The following SLC2A13 variants were observed in gnomAD, a reference collection of about 807,000 sequenced individuals.
SLC2A13 encodes the protein solute carrier family 2 member 13, also known as proton myo-inositol cotransporter.
SLC2A13 carries 32 observed loss-of-function variants against 64.4 expected under a neutral mutation model. The observed-to-expected ratio is 0.50, with a 90% CI of 0.37 to 0.67. The LOEUF is 0.67. SLC2A13 is among the 30% of genes least tolerant of loss of function. The pLI, the probability that SLC2A13 is intolerant of heterozygous loss-of-function variation, is 0.00. For synonymous variants in SLC2A13, 338 were observed against 327.1 expected (o/e 1.03, Z -0.36); for missense variants, 743 against 829.2 (o/e 0.90, Z 1.28).
chr12:40,068,117 C>T (rs546860789), intron 1 of SLC2A13: 9 of 194,610 alleles, frequency 4.6e-5, no homozygotes, highest in East Asian at 1.8e-4. Context: ...ACTATGTTGC[C>T]CAGGGTGGTC....
At chr12:39,832,091 G>A (rs1942867427) in intron 6 of SLC2A13, among the ~76,000 whole-genome samples, 1 of 152,078 alleles carries the variant, frequency 6.6e-6, no homozygotes, top group African/African-American at 2.4e-5. Context: ...AAAAGCAAAA[G>A]AGAGGCCATT....
intron 1 of SLC2A13, among the ~76,000 whole-genome samples, chr12:40,050,787 G>A (rs904709462): frequency 5.9e-5 from 9 of 152,124 alleles, no homozygotes; most frequent in African/African-American, 1.9e-4. Flanking sequence ...TGGAACCAGT[G>A]GGTTTCAATT....
chr12:40,007,119 T>G (rs190940310), intron 3 of SLC2A13, among the ~76,000 whole-genome samples: 54 of 152,324 alleles, frequency 3.5e-4, no homozygotes, highest in African/African-American at 1.1e-3. Context: ...TTGAAACTAA[T>G]GAGCCCCTCC....
rs111296586 is a variant in SLC2A13 at position 39,864,885 on chromosome 12, T to TA, written c.1199-4dup. 64,648 of 1,103,876 alleles carry TA rather than the reference T, an allele frequency of 0.059. 426 individuals are homozygous for TA. Among genetic ancestry groups the TA allele is most frequent in the African/African-American group, 0.14 (8,721 of 63,128 alleles). 68.4% of individuals were successfully genotyped at this position (1,103,876 alleles called of 1,614,324 possible). On this transcript the variant is annotated splice_polypyrimidine_tract_variant and splice_region_variant and intron_variant, in intron 5 of 9. Coordinates refer to ENST00000280871, the MANE Select transcript of SLC2A13 (RefSeq NM_052885.4). ...AATAATGAGTGCTACGGTGGTACCT[T>TA]AAAAAAAAAAAGTTTTATATTAGAG...
rs10506142 is a variant in SLC2A13, at chr12:39,986,987, G to A, written c.926-35622C>T. The stretch of plus-strand genomic sequence containing the variant: ...TGAGGGCAAGATTTAAATACCTAGA[G>A]ATAATAAAAATCTTAAGCTTTGATC... On this transcript the variant is annotated intron_variant, in intron 3 of 9. Coordinates refer to ENST00000280871, the MANE Select transcript of SLC2A13 (RefSeq NM_052885.4). Among the ~76,000 whole-genome samples, 5,727 of 152,208 alleles carry A rather than the reference G, an allele frequency of 0.038. 446 individuals carry two copies. In the East Asian group the frequency reaches 0.39, roughly 10 times the overall value.
chr12:39,991,456 G>A (rs945653245), intron 3 of SLC2A13, among the ~76,000 whole-genome samples: 7 of 152,118 alleles, frequency 4.6e-5, no homozygotes, highest in East Asian at 3.9e-4. Flanking sequence ...TAGCAAGGAC[G>A]CCTCATAAGT....
At chr12:39,768,340 T>C (rs1481505783) in intron 7 of SLC2A13, among the ~76,000 whole-genome samples, 4 of 152,154 alleles carry the variant, frequency 2.6e-5, no homozygotes, top group Non-Finnish European at 4.4e-5. Flanking sequence ...CACTTTCTTA[T>C]CATTTGTGTG....
At chr12:40,048,299 C>T (rs1948200673) in intron 1 of SLC2A13, 89 bp from the exon 2 acceptor site, 4 of 1,301,602 alleles carry the variant, frequency 3.1e-6, no homozygotes, top group East Asian at 2.4e-5. Context: ...CATACACTTA[C>T]ATATATGGGC....
At chr12:39,859,596 C>T (rs1457758676) in intron 6 of SLC2A13, among the ~76,000 whole-genome samples, 1 of 152,160 alleles carries the variant, frequency 6.6e-6, no homozygotes, top group Non-Finnish European at 1.5e-5. Context: ...CATCTCAGCT[C>T]ACTGCAACCT....
chr12:39,964,767 A>G (rs1390411065), intron 3 of SLC2A13, among the ~76,000 whole-genome samples: 1 of 152,210 alleles, frequency 6.6e-6, no homozygotes, highest in East Asian at 1.9e-4. Flanking sequence ...ATGTCATAGC[A>G]TATAAATAAA....
intron 4 of SLC2A13, among the ~76,000 whole-genome samples, chr12:39,877,956 G>T (rs1175120750): frequency 1.3e-5 from 2 of 152,084 alleles, no homozygotes; most frequent in African/African-American, 2.4e-5. Flanking sequence ...CATGAGATTT[G>T]GTCATCTAAA....
Position 39,764,557 on chromosome 12 carries a change from T to G in SLC2A13, c.1623A>C (p.Arg541Ser). 2 of 1,611,452 alleles carry G rather than the reference T, an allele frequency of 1.2e-6. No individual in the cohort carries two copies. Among genetic ancestry groups the G allele is most frequent in the South Asian group, 2.2e-5 (2 of 90,320 alleles). The change falls in exon 9 of 10, where the codon AGA becomes AGC. Residue 541 changes from arginine (R) to serine (S), a missense_variant. Physicochemically the swap from Arg to Ser is moderately radical, Grantham distance 110. Transcript: ENST00000280871. ...CAGATGAACATGCATTTCCTGTACTTCTTGCCCAAAGGGGATATATTTCAG... is the reference window on the plus strand; with the variant it reads ...CAGATGAACATGCATTTCCTGTACTGCTTGCCCAAAGGGGATATATTTCAG... The part of the protein sequence containing the change: ...VNSEIYPLWA[R>S]STGNACSSGI...
intron 3 of SLC2A13, among the ~76,000 whole-genome samples, chr12:40,004,576 G>T (rs1024350777): frequency 6.6e-6 from 1 of 151,620 alleles, no homozygotes; most frequent in African/African-American, 2.4e-5. Context: ...ACCAAAAAAT[G>T]ACTGTAGCAC....
chr12:39,781,391 G>T (rs949005264), intron 7 of SLC2A13, among the ~76,000 whole-genome samples: 1 of 6,286 alleles, frequency 1.6e-4, no homozygotes, highest in African/African-American at 2.0e-3. Flanking sequence ...AGTCTGGCCT[G>T]CCCCCTCCAG....
chr12:39,869,337 C>G (rs1943986455), intron 5 of SLC2A13, among the ~76,000 whole-genome samples: 1 of 152,160 alleles, frequency 6.6e-6, no homozygotes, highest in African/African-American at 2.4e-5. Context: ...ATCACTGAAA[C>G]AGCAGAACCA....
chr12:40,077,850 T>C (rs1938239158), intron 1 of SLC2A13, among the ~76,000 whole-genome samples: 1 of 152,188 alleles, frequency 6.6e-6, no homozygotes, highest in Non-Finnish European at 1.5e-5. Context: ...GTAATTCTCA[T>C]TGCACAGATA....
At chr12:39,975,168 G>C (rs971450994) in intron 3 of SLC2A13, among the ~76,000 whole-genome samples, 1 of 152,152 alleles carries the variant, frequency 6.6e-6, no homozygotes, top group Non-Finnish European at 1.5e-5. Context: ...AGATAGATAT[G>C]AAGGACAAAT....
intron 3 of SLC2A13, among the ~76,000 whole-genome samples, chr12:39,952,279 GCTAGA>G (rs1946244882): frequency 6.6e-6 from 1 of 152,124 alleles, no homozygotes; most frequent in Non-Finnish European, 1.5e-5. Context: ...CCTTAATGGA[GCTAGA>G]GTCAACTCCC....
At chr12:40,083,185 T>C (rs555003561) in intron 1 of SLC2A13, among the ~76,000 whole-genome samples, 4 of 152,200 alleles carry the variant, frequency 2.6e-5, no homozygotes, top group Non-Finnish European at 5.9e-5. Context: ...TGGGTCTGAA[T>C]TGTGCATGTG....
Sources: gnomAD v4.1 joint callset for allele counts (sites outside exome capture counted in the v4.1 genomes callset) on GRCh38, gnomAD v4.1.1 for gene constraint, MANE v1.5 for transcripts, NCBI Gene and HGNC (gene_info 2026-07-23, HGNC 2026-07-21) for gene names.